SLC24A2: variants seen among roughly 807,000 people sequenced by gnomAD.
SLC24A2 encodes the protein sodium/potassium/calcium exchanger 2.
SLC24A2 carries 36 observed loss-of-function variants against 62.0 expected under a neutral mutation model. That is an observed-to-expected ratio of 0.58 (90% CI 0.44 to 0.77). The LOEUF (loss-of-function observed/expected upper bound fraction) is 0.77. SLC24A2 is among the 30% of genes least tolerant of loss of function. The pLI, the probability that SLC24A2 is intolerant of heterozygous loss-of-function variation, is 0.00. For synonymous variants in SLC24A2, 358 were observed against 294.0 expected, an observed-to-expected ratio of 1.22 and a Z score of -2.23; for missense variants, 846 against 817.9, an observed-to-expected ratio of 1.03 and a Z score of -0.42.
chr9:19,678,097 T>A (rs1224001508), intron 2 of SLC24A2, among the ~76,000 whole-genome samples: 1 of 152,122 alleles, frequency 6.6e-6, no homozygotes, highest in Non-Finnish European at 1.5e-5. Context: ...TCTTTCCTCA[T>A]CCCATCACTC....
the SLC24A2 span, among the ~76,000 whole-genome samples, chr9:19,886,419 A>G: frequency 6.6e-6 from 1 of 152,154 alleles, no homozygotes; most frequent in Non-Finnish European, 1.5e-5. Context: ...ACTTCTCAAA[A>G]GAAGACATTT....
At chr9:19,624,526 T>C (rs912737915) in intron 2 of SLC24A2, among the ~76,000 whole-genome samples, 4 of 152,092 alleles carry the variant, frequency 2.6e-5, no homozygotes, top group African/African-American at 9.7e-5. Context: ...AGGAGGATCA[T>C]AAAACATAAA....
At chr9:20,170,500 G>A in the SLC24A2 span, among the ~76,000 whole-genome samples, 1 of 152,016 alleles carries the variant, frequency 6.6e-6, no homozygotes, top group Non-Finnish European at 1.5e-5. Flanking sequence ...AAGGCAAGGG[G>A]GACATGGGGT....
the SLC24A2 span, among the ~76,000 whole-genome samples, chr9:20,091,198 T>C: frequency 4.3e-5 from 6 of 139,610 alleles, no homozygotes; most frequent in Non-Finnish European, 1.6e-5. Context: ...CCGAGAAATA[T>C]GGGATTACGT....
the SLC24A2 span, among the ~76,000 whole-genome samples, chr9:20,046,158 G>A: frequency 6.6e-6 from 1 of 152,222 alleles, no homozygotes; most frequent in Non-Finnish European, 1.5e-5. Context: ...ACACATGCTT[G>A]TGGAAGCCAA....
chr9:20,145,807 GTA>G, the SLC24A2 span, among the ~76,000 whole-genome samples: 4 of 151,768 alleles, frequency 2.6e-5, no homozygotes, highest in Admixed American at 6.6e-5. Context: ...ATGCATATAT[GTA>G]TATGTCATAT....
At chr9:20,085,692 A>G in the SLC24A2 span, among the ~76,000 whole-genome samples, 2 of 152,244 alleles carry the variant, frequency 1.3e-5, no homozygotes, top group African/African-American at 2.4e-5. Flanking sequence ...CCAATTTACA[A>G]TAGTGTATTT....
At chr9:20,131,348 C>A in the SLC24A2 span, among the ~76,000 whole-genome samples, 1 of 152,076 alleles carries the variant, frequency 6.6e-6, no homozygotes, top group African/African-American at 2.4e-5. Context: ...GATGACTGGA[C>A]AAGAGGCAGA....
chr9:19,793,894 T>TA (rs544229919), upstream of SLC24A2, among the ~76,000 whole-genome samples: 78 of 152,354 alleles, frequency 5.1e-4, no homozygotes, highest in African/African-American at 1.8e-3. Context: ...TTTGCTTATT[T>TA]AAAAAAATCA....
chr9:19,928,933 C>A, the SLC24A2 span: 1 of 152,280 alleles, frequency 6.6e-6, no homozygotes, highest in Non-Finnish European at 1.5e-5. Flanking sequence ...TTCTAACTTC[C>A]TGACCTGCAA....
the SLC24A2 span, among the ~76,000 whole-genome samples, chr9:20,267,126 G>A: frequency 1.3e-5 from 2 of 151,258 alleles, no homozygotes; most frequent in East Asian, 3.9e-4. Context: ...GAATACTTTT[G>A]AAACAAATTT....
At chr9:20,279,114 C>T in the SLC24A2 span, among the ~76,000 whole-genome samples, 4 of 152,132 alleles carry the variant, frequency 2.6e-5, no homozygotes, top group African/African-American at 9.7e-5. Context: ...TGAAAAAAAA[C>T]CTATCCCCAT....
chr9:20,263,861 GC>G, the SLC24A2 span, among the ~76,000 whole-genome samples: 1,689 of 30,812 alleles, frequency 0.055, 74 homozygotes, highest in Admixed American at 0.072. Flanking sequence ...TATCCCACCC[GC>G]CCCCCCCCCC....
At chr9:19,745,519 C>G (rs1199688511) in intron 2 of SLC24A2, among the ~76,000 whole-genome samples, 1 of 152,092 alleles carries the variant, frequency 6.6e-6, no homozygotes, top group East Asian at 1.9e-4. Context: ...ATCAGAAACT[C>G]TGGGGGTAGA....
At chr9:19,825,423 A>G in the SLC24A2 span, among the ~76,000 whole-genome samples, 2 of 152,088 alleles carry the variant, frequency 1.3e-5, no homozygotes. Flanking sequence ...ACTTATATCT[A>G]CTCTGGGGAA....
At chr9:19,981,846 A>G in the SLC24A2 span, among the ~76,000 whole-genome samples, 23 of 152,088 alleles carry the variant, frequency 1.5e-4, no homozygotes, top group Non-Finnish European at 2.9e-4. Flanking sequence ...ATTAATATAC[A>G]TTTGCCTACA....
the SLC24A2 span, among the ~76,000 whole-genome samples, chr9:19,823,779 A>G: frequency 3.3e-5 from 5 of 152,174 alleles, no homozygotes; most frequent in African/African-American, 1.2e-4. Context: ...CTATACTACA[A>G]GGCTACAGTA....
chr9:20,008,752 G>A, the SLC24A2 span, among the ~76,000 whole-genome samples: 7 of 152,152 alleles, frequency 4.6e-5, no homozygotes, highest in Admixed American at 1.3e-4. Context: ...TCCAGAGGTT[G>A]CATTGAGTTC....
At chr9:19,588,654 G>A (rs1836447839) in intron 5 of SLC24A2, among the ~76,000 whole-genome samples, 1 of 152,136 alleles carries the variant, frequency 6.6e-6, no homozygotes, top group South Asian at 2.1e-4. Context: ...TCTCTTCAAA[G>A]GACTTATTTA....
Sources: gnomAD v4.1 joint callset for allele counts (sites outside exome capture counted in the v4.1 genomes callset) on GRCh38, gnomAD v4.1.1 for gene constraint, MANE v1.5 for transcripts, NCBI Gene and HGNC (gene_info 2026-07-23, HGNC 2026-07-21) for gene names.